TRIP13: variants seen among roughly 807,000 people sequenced by gnomAD.
TRIP13 encodes the protein thyroid hormone receptor interactor 13, also known as pachytene checkpoint protein 2 homolog.
In TRIP13, 25 loss-of-function variants were observed where a neutral mutation model predicts 54.4. That is an observed-to-expected ratio of 0.46 (90% CI 0.33 to 0.64). The LOEUF is 0.64. Ranked by LOEUF, TRIP13 falls within the 30% of genes least tolerant of loss-of-function variation. The pLI, the probability that TRIP13 is intolerant of heterozygous loss-of-function variation, is 0.02. For missense variants in TRIP13, 373 were observed against 534.2 expected, an observed-to-expected ratio of 0.70 and a Z score of 2.97; for synonymous variants, 207 against 207.8, an observed-to-expected ratio of 1.00 and a Z score of 0.03.
chr5:917,412 T>G lies in TRIP13; in HGVS notation c.*309T>G, dbSNP rs1754362271. ...CCCAGCCCACCCCCAGTGGATGGGATGCATAATGCCAGCAAGTTTTGTTTA... is the reference window on the plus strand; with the variant it reads ...CCCAGCCCACCCCCAGTGGATGGGAGGCATAATGCCAGCAAGTTTTGTTTA... On this transcript the variant is annotated 3_prime_UTR_variant, in exon 13 of 13. Transcript: ENST00000166345. 1 of 256,830 alleles carries G rather than the reference T, an allele frequency of 3.9e-6. No homozygotes were observed. The highest frequency in any genetic ancestry group is 5.5e-5 in the Admixed American group (1 of 18,124). 15.9% of individuals were successfully genotyped at this position (256,830 alleles called of 1,614,324 possible).
At chr5:916,945 G>C (rs1326413909) in intron 12 of TRIP13, 63 bp from the exon 13 acceptor site, 2 of 1,512,154 alleles carry the variant, frequency 1.3e-6, no homozygotes, top group African/African-American at 1.4e-5. Context: ...AGGGGCTGTG[G>C]ATGCCAGATG....
intron 1 of TRIP13, among the ~76,000 whole-genome samples, chr5:894,137 C>T (rs771784351): frequency 6.6e-6 from 1 of 152,170 alleles, no homozygotes; most frequent in Non-Finnish European, 1.5e-5. Context: ...TGTCACCTGC[C>T]TGGCTCTGAG....
At chr5:910,597 C>T (rs1235538444) in intron 9 of TRIP13, among the ~76,000 whole-genome samples, 1 of 152,236 alleles carries the variant, frequency 6.6e-6, no homozygotes, top group Non-Finnish European at 1.5e-5. Context: ...TTCTCCCTGT[C>T]AGTCACAAGG....
intron 1 of TRIP13, among the ~76,000 whole-genome samples, chr5:894,116 A>G (rs1427549028): frequency 6.6e-6 from 1 of 152,120 alleles, no homozygotes. Flanking sequence ...GACGATTGCA[A>G]AGGGGCCACA....
At position 907,689 on chromosome 5, in the gene TRIP13, C is replaced by T. The variant is rs1038066511; in HGVS notation, c.673-299C>T. ...GCATCTGTGGTCTGCCTCTTTTCCT[C>T]ATCAGAGAGGACACACAGGTAAAGC... On this transcript the variant is annotated intron_variant, in intron 7 of 12. Transcript: ENST00000166345. This position sits in a 1 kb window ranked among gnomAD's most constrained non-coding sequence, Gnocchi z 4.1. Among the ~76,000 whole-genome samples, 2 of 152,230 alleles carry T rather than the reference C, an allele frequency of 1.3e-5. No homozygotes were observed. The highest frequency in any genetic ancestry group is 4.8e-5 in the African/African-American group (2 of 41,460).
chr5:894,231 G>C (rs1391483252), intron 1 of TRIP13, among the ~76,000 whole-genome samples: 4 of 152,118 alleles, frequency 2.6e-5, no homozygotes, highest in Non-Finnish European at 4.4e-5. Context: ...CAGTAAGCTG[G>C]GACAGTGCAT....
Position 893,102 on chromosome 5 carries a change from C to T in TRIP13, c.92+12C>T, listed in dbSNP as rs773305256. The T allele has an allele frequency of 1.5e-5, 23 of 1,579,962 alleles. No homozygotes were observed. Among genetic ancestry groups the T allele is most frequent in the Non-Finnish European group, 1.9e-5 (22 of 1,169,678 alleles). On this transcript the variant is annotated intron_variant, in intron 1 of 12. Coordinates refer to ENST00000166345, the MANE Select transcript of TRIP13 (RefSeq NM_004237.4). ...CAGCGCGGCAGCAGGTGAGCCGGAC[C>T]TGTCCGACACATCCTCTGGGCACCC...
chr5:908,655 G>A lies in TRIP13; in HGVS notation c.866+194G>A, dbSNP rs1342735017. 13 of 1,414,882 alleles carry A rather than the reference G, an allele frequency of 9.2e-6. No individual in the cohort carries two copies. The highest frequency in any genetic ancestry group is 8.7e-5 in the African/African-American group (6 of 69,312). The allele number at this position is 1,414,882 out of a possible 1,614,324, so 87.6% of individuals were successfully genotyped here. ...ATGCTTTTTAAAGAAATTGTTTTTA[G>A]TGTGTTAAAAATGTAATAGAAGGCC... On this transcript the variant is annotated intron_variant, in intron 9 of 12. Coordinates refer to ENST00000166345, the MANE Select transcript of TRIP13 (RefSeq NM_004237.4). The surrounding 1 kb of genome is among the most constrained non-coding windows in gnomAD (Gnocchi z 5.2).
intron 12 of TRIP13, 31 bp downstream of exon 12, chr5:916,004 G>T (rs747170216): frequency 1.2e-6 from 2 of 1,607,444 alleles, no homozygotes; most frequent in African/African-American, 2.7e-5. Flanking sequence ...TCCAGCACCC[G>T]CCCTGTCCAC....
chr5:909,172 C>CA (rs1193701441), intron 9 of TRIP13, among the ~76,000 whole-genome samples: 1 of 152,170 alleles, frequency 6.6e-6, no homozygotes, highest in African/African-American at 2.4e-5. Flanking sequence ...TGCAGATGGT[C>CA]CACGTCTCCA....
chr5:914,270 A>G (rs1754298076), intron 10 of TRIP13, among the ~76,000 whole-genome samples, 195 bp from the exon 11 acceptor site: 1 of 152,118 alleles, frequency 6.6e-6, no homozygotes, highest in South Asian at 2.1e-4. Flanking sequence ...AAAAAGCAGA[A>G]TGTGTACGCT....
Position 911,691 on chromosome 5 carries a change from T to A in TRIP13, c.867-152T>A. On this transcript the variant is annotated intron_variant, in intron 9 of 12. Coordinates refer to ENST00000166345, the MANE Select transcript of TRIP13 (RefSeq NM_004237.4). This position sits in a 1 kb window ranked among gnomAD's most constrained non-coding sequence, Gnocchi z 4.7. Reference sequence around the variant, plus strand: ...AGCAGCGAGAGCAAAGGCTGGGGGGTCTGCGTGGCCTGTGTTGGCACAAGG... The same window carrying A: ...AGCAGCGAGAGCAAAGGCTGGGGGGACTGCGTGGCCTGTGTTGGCACAAGG... 1.2e-6 allele frequency: 1 copy of A among 852,604 alleles called. No homozygotes were observed. The highest frequency in any genetic ancestry group is 1.7e-6 in the Non-Finnish European group (1 of 589,796). The allele number at this position is 852,604 out of a possible 1,614,324, so 52.8% of individuals were successfully genotyped here. A position where few individuals can be genotyped will look rare whatever the true frequency, so the allele number is the denominator to read the frequency against.
intron 5 of TRIP13, among the ~76,000 whole-genome samples, chr5:903,468 TA>T (rs1396628964): frequency 1.1e-4 from 16 of 152,326 alleles, no homozygotes; most frequent in African/African-American, 3.1e-4. Flanking sequence ...TATATAATCA[TA>T]TCTAAGATCT....
intron 12 of TRIP13, 78 bp downstream of exon 12, chr5:916,051 C>A: frequency 7.1e-7 from 1 of 1,412,860 alleles, no homozygotes; most frequent in Non-Finnish European, 1.0e-6. Flanking sequence ...CTTAGTAGCC[C>A]TGGGGTATCA....
At position 907,215 on chromosome 5, in the gene TRIP13, T is replaced by G. The variant is rs1754133807; in HGVS notation, c.672+22T>G. 6.3e-7 allele frequency: 1 copy of G among 1,594,114 alleles called. No homozygotes were observed. Among genetic ancestry groups the G allele is most frequent in the African/African-American group, 1.3e-5 (1 of 74,614 alleles). ...GGAAGTAAGTATTAAATATTAATTC[T>G]AATTGTCTGGATTGTATAGCTGAAA... On this transcript the variant is annotated intron_variant, in intron 7 of 12. Coordinates refer to ENST00000166345, the MANE Select transcript of TRIP13 (RefSeq NM_004237.4). This position sits in a 1 kb window ranked among gnomAD's most constrained non-coding sequence, Gnocchi z 4.1.
chr5:916,102 G>T, intron 12 of TRIP13, 129 bp downstream of exon 12: 1 of 974,282 alleles, frequency 1.0e-6, no homozygotes, highest in East Asian at 2.4e-5. Flanking sequence ...GGGTCCTGGG[G>T]CCGGAGGAGG....
intron 1 of TRIP13, among the ~76,000 whole-genome samples, chr5:893,310 C>T (rs75110591): frequency 5.3e-5 from 8 of 152,090 alleles, no homozygotes; most frequent in African/African-American, 1.7e-4. Flanking sequence ...CGACCCGAGC[C>T]CTGCGCGCAG....
At chr5:903,716 C>T (rs1164197010) in intron 5 of TRIP13, among the ~76,000 whole-genome samples, 1 of 152,022 alleles carries the variant, frequency 6.6e-6, no homozygotes. Context: ...TAACACATGA[C>T]CCCTCCACCT....
intron 1 of TRIP13, among the ~76,000 whole-genome samples, chr5:894,473 T>C (rs1426403805): frequency 2.0e-5 from 3 of 152,236 alleles, no homozygotes; most frequent in African/African-American, 7.2e-5. Context: ...TATTGCGTGC[T>C]TACTATGTGC....
Sources: allele counts gnomAD v4.1 joint callset (sites outside exome capture counted in the v4.1 genomes callset), GRCh38; gene constraint gnomAD v4.1.1; non-coding constraint Gnocchi (gnomAD v3.1); transcripts MANE v1.5; gene names NCBI Gene and HGNC (gene_info 2026-07-23, HGNC 2026-07-21).